The following GPC6 variants were observed in gnomAD, a reference collection of about 807,000 sequenced individuals.
GPC6 encodes the protein glypican-6.
GPC6 carries 14 observed loss-of-function variants against 55.2 expected under a neutral mutation model. The observed-to-expected ratio is 0.25, with a 90% CI of 0.17 to 0.40. GPC6 has a LOEUF of 0.40. GPC6 is among the 10% of genes least tolerant of loss of function. The pLI, the probability that GPC6 is intolerant of heterozygous loss-of-function variation, is 1.00. For synonymous variants in GPC6, 278 were observed against 259.6 expected, an observed-to-expected ratio of 1.07 and a Z score of -0.68; for missense variants, 641 against 708.5, an observed-to-expected ratio of 0.90 and a Z score of 1.08.
chr13:94,300,799 C>T (rs887427781), intron 5 of GPC6, among the ~76,000 whole-genome samples: 1 of 152,126 alleles, frequency 6.6e-6, no homozygotes, highest in Non-Finnish European at 1.5e-5. Context: ...TGATTTGTAC[C>T]ACAATAAGTT....
At chr13:93,392,339 T>C (rs961540315) in intron 1 of GPC6, among the ~76,000 whole-genome samples, 5 of 152,248 alleles carry the variant, frequency 3.3e-5, no homozygotes, top group African/African-American at 1.2e-4. Context: ...AATTGTTTTT[T>C]ACTTTATTGA....
intron 3 of GPC6, among the ~76,000 whole-genome samples, chr13:94,026,138 A>G (rs1882887135): frequency 1.3e-5 from 2 of 152,192 alleles, no homozygotes; most frequent in African/African-American, 4.8e-5. Context: ...AAAAAAACTC[A>G]AAAGGACAAC....
chr13:94,400,755 A>C (rs575504683), intron 8 of GPC6, among the ~76,000 whole-genome samples: 2 of 152,228 alleles, frequency 1.3e-5, no homozygotes, highest in Admixed American at 1.3e-4. Flanking sequence ...ACTTCGGACT[A>C]GCAGGGAGGA....
At chr13:93,989,168 C>T (rs1382130693) in intron 3 of GPC6, among the ~76,000 whole-genome samples, 1 of 152,118 alleles carries the variant, frequency 6.6e-6, no homozygotes, top group African/African-American at 2.4e-5. Flanking sequence ...GTGAGAAATT[C>T]ATGTGATGCC....
intron 1 of GPC6, among the ~76,000 whole-genome samples, chr13:93,400,825 AAG>A (rs2139231609): frequency 6.6e-6 from 1 of 152,314 alleles, no homozygotes; most frequent in East Asian, 1.9e-4. Context: ...GAAATACTCT[AAG>A]AGGGGTTTGA....
chr13:93,594,055 T>C (rs1877613322), intron 2 of GPC6, among the ~76,000 whole-genome samples: 1 of 152,152 alleles, frequency 6.6e-6, no homozygotes, highest in Non-Finnish European at 1.5e-5. Context: ...GAAATTGCTC[T>C]AAAAAGGGAA....
At chr13:93,944,387 G>A (rs1421241598) in intron 3 of GPC6, among the ~76,000 whole-genome samples, 1 of 151,854 alleles carries the variant, frequency 6.6e-6, no homozygotes, top group Non-Finnish European at 1.5e-5. Flanking sequence ...TGTATTTTTA[G>A]TAGAGACGGG....
chr13:93,728,820 G>A (rs541255352), intron 2 of GPC6, among the ~76,000 whole-genome samples: 31 of 152,098 alleles, frequency 2.0e-4, no homozygotes, highest in African/African-American at 4.6e-4. Context: ...CGCCTACCTC[G>A]GCCTCCCAAA....
chr13:93,960,979 A>AT (rs1288199567), intron 3 of GPC6, among the ~76,000 whole-genome samples: 1 of 151,672 alleles, frequency 6.6e-6, no homozygotes, highest in African/African-American at 2.4e-5. Context: ...CGTCCGGCTA[A>AT]TTTTTTTGTA....
chr13:93,998,531 A>G (rs1219880391), intron 3 of GPC6, among the ~76,000 whole-genome samples: 2 of 152,152 alleles, frequency 1.3e-5, no homozygotes, highest in Admixed American at 1.3e-4. Flanking sequence ...TTCCAGAAAG[A>G]AGCTGTTACT....
intron 1 of GPC6, among the ~76,000 whole-genome samples, chr13:93,352,965 T>C (rs770728244): frequency 2.0e-5 from 3 of 152,194 alleles, no homozygotes; most frequent in Non-Finnish European, 2.9e-5. Context: ...AGGTGATTTA[T>C]ACAAACATTC....
In GPC6 at chr13:94,031,329, A is replaced by G. The variant is rs539371585; in HGVS notation, c.877+3435A>G. ...ACATTGAAAAAATGCCGCTAGACCT[A>G]TTTTAGAGTACTTAAAAATCCTCAT... On this transcript the variant is annotated intron_variant, in intron 4 of 8. Coordinates refer to ENST00000377047, the MANE Select transcript of GPC6 (RefSeq NM_005708.5). Among the ~76,000 whole-genome samples the G allele has an allele frequency of 5.3e-5, 8 of 152,308 alleles. No individual in the cohort carries two copies. The East Asian group carries it at 7.7e-4, about 15-fold the overall frequency.
At chr13:93,813,138 T>A (rs1886746891) in intron 2 of GPC6, among the ~76,000 whole-genome samples, 1 of 152,202 alleles carries the variant, frequency 6.6e-6, no homozygotes, top group Non-Finnish European at 1.5e-5. Context: ...CAGTAAAATA[T>A]AATAATTTTA....
chr13:93,316,997 C>G (rs1164483414), intron 1 of GPC6, among the ~76,000 whole-genome samples: 1 of 152,072 alleles, frequency 6.6e-6, no homozygotes, highest in Non-Finnish European at 1.5e-5. Flanking sequence ...TTCTCATTTG[C>G]AAGTCAATAA....
At chr13:94,346,150 T>G (rs778928138) in intron 6 of GPC6, among the ~76,000 whole-genome samples, 30 of 152,326 alleles carry the variant, frequency 2.0e-4, no homozygotes, top group Admixed American at 3.9e-4. Flanking sequence ...TATTCTGGTA[T>G]GAGCCCATCT....
chr13:93,967,517 T>A (rs547890323), intron 3 of GPC6, among the ~76,000 whole-genome samples: 1 of 152,264 alleles, frequency 6.6e-6, no homozygotes, highest in South Asian at 2.1e-4. Flanking sequence ...TTATTTACCA[T>A]CCTCAAGCAC....
chr13:93,734,624 A>G (rs148062310), intron 2 of GPC6, among the ~76,000 whole-genome samples: 5 of 152,316 alleles, frequency 3.3e-5, no homozygotes, highest in African/African-American at 1.2e-4. Context: ...AGGATAGACT[A>G]TGTATATTAA....
chr13:93,549,770 CAA>C (rs372065302), intron 2 of GPC6, among the ~76,000 whole-genome samples: 1 of 144,360 alleles, frequency 6.9e-6, no homozygotes, highest in Non-Finnish European at 1.5e-5. Context: ...TTAACTCCTA[CAA>C]AAAAAAAAAT....
At chr13:93,449,968 G>A (rs1878165240) in intron 1 of GPC6, among the ~76,000 whole-genome samples, 1 of 151,470 alleles carries the variant, frequency 6.6e-6, no homozygotes, top group Admixed American at 6.6e-5. Context: ...ATTTTTAGTA[G>A]AGATGGGATT....
Sources: gnomAD v4.1 joint callset for allele counts (sites outside exome capture counted in the v4.1 genomes callset) on GRCh38, gnomAD v4.1.1 for gene constraint, MANE v1.5 for transcripts, NCBI Gene and HGNC (gene_info 2026-07-23, HGNC 2026-07-21) for gene names.